CMC1: variants seen among roughly 807,000 people sequenced by gnomAD.
CMC1 encodes the protein COX assembly mitochondrial protein homolog.
CMC1 carries 14 observed loss-of-function variants against 14.1 expected under a neutral mutation model. The observed-to-expected ratio is 0.99, with a 90% confidence interval of 0.66 to 1.55. CMC1 has a LOEUF of 1.55. Among genes scored for constraint, CMC1 ranks in the 40% most tolerant of loss-of-function variants. The probability of loss-of-function intolerance (pLI) is 0.00; values close to 1 mark genes in which losing one functional copy is unlikely to be tolerated. For synonymous variants in CMC1, 50 were observed against 38.4 expected, an observed-to-expected ratio of 1.30 and a Z score of -1.12; for missense variants, 127 against 123.8, an observed-to-expected ratio of 1.03 and a Z score of -0.12.
At position 28,319,685 on chromosome 3, in the gene CMC1, T is replaced by A. The variant is rs1703123833; in HGVS notation, c.*56T>A. The A allele has an allele frequency of 6.9e-7, 1 of 1,449,026 alleles. No individual in the cohort carries two copies. Among genetic ancestry groups the A allele is most frequent in the Non-Finnish European group, 9.4e-7 (1 of 1,066,914 alleles). The allele number at this position is 1,449,026 out of a possible 1,614,324, so 89.8% of individuals were successfully genotyped here. Reference sequence around the variant, plus strand: ...AATATTCATGGAAGTCATTTTATAGTCCTTAAATAATGGACTCAAGCATAT... The same window carrying A: ...AATATTCATGGAAGTCATTTTATAGACCTTAAATAATGGACTCAAGCATAT... On this transcript the variant is annotated 3_prime_UTR_variant, in exon 4 of 4. Coordinates refer to ENST00000466830, the MANE Select transcript of CMC1 (RefSeq NM_182523.2).
At position 28,322,187 on chromosome 3, in the gene CMC1, T is replaced by G. The variant is rs992797251; in HGVS notation, c.*2558T>G. ...TTAAACTGTCACAGTCACTGACTTT[T>G]TAGTATACCTGTTTGATAGCTATCA... On this transcript the variant is annotated 3_prime_UTR_variant, in exon 4 of 4. Coordinates refer to ENST00000466830, the MANE Select transcript of CMC1 (RefSeq NM_182523.2). 6.6e-6 allele frequency: 1 copy of G among 151,172 alleles called. No individual in the cohort carries two copies. Among genetic ancestry groups the G allele is most frequent in the Non-Finnish European group, 1.5e-5 (1 of 67,404 alleles). The allele number at this position is 151,172 out of a possible 1,614,324, so 9.4% of individuals were successfully genotyped here. A position where few individuals can be genotyped will look rare whatever the true frequency, so the allele number is the denominator to read the frequency against.
intron 1 of CMC1, among the ~76,000 whole-genome samples, chr3:28,249,405 G>A (rs1220058692): frequency 2.0e-5 from 3 of 152,126 alleles, no homozygotes; most frequent in Non-Finnish European, 2.9e-5. Context: ...TTAAATATAC[G>A]TGTCATTTGT....
chr3:28,283,721 C>T (rs920897153), intron 2 of CMC1, among the ~76,000 whole-genome samples: 1 of 152,070 alleles, frequency 6.6e-6, no homozygotes, highest in Non-Finnish European at 1.5e-5. Context: ...TTTATGGTGA[C>T]GGAATACCCT....
At chr3:28,302,592 A>C (rs770110250) in intron 2 of CMC1, among the ~76,000 whole-genome samples, 5 of 152,312 alleles carry the variant, frequency 3.3e-5, no homozygotes, top group Admixed American at 2.6e-4. Flanking sequence ...GCACTTCATT[A>C]TATTTTGTTT....
chr3:28,285,374 A>C (rs1436534882), intron 2 of CMC1, among the ~76,000 whole-genome samples: 6 of 152,274 alleles, frequency 3.9e-5, no homozygotes, highest in South Asian at 2.1e-4. Flanking sequence ...GTATGAGATA[A>C]AGAGAGTTGA....
intron 2 of CMC1, among the ~76,000 whole-genome samples, chr3:28,265,616 AT>A (rs200304368): frequency 3.3e-4 from 50 of 149,788 alleles, no homozygotes; most frequent in African/African-American, 9.0e-4. Flanking sequence ...TTTCCGTTAG[AT>A]TTTTTTTTTA....
chr3:28,323,912 T>A lies in CMC1; in HGVS notation c.*4283T>A. 3 of 1,060,646 alleles carry A rather than the reference T, an allele frequency of 2.8e-6. No individual in the cohort carries two copies. The highest frequency in any genetic ancestry group is 4.1e-6 in the Non-Finnish European group (3 of 736,232). The allele number at this position is 1,060,646 out of a possible 1,614,324, so 65.7% of individuals were successfully genotyped here. ...GTTTTTGTACTATTGTACAGTGTGT[T>A]CAAATATAGATACTGAAGACCTCTG... is the stretch of plus-strand genomic sequence containing the variant. On this transcript the variant is annotated 3_prime_UTR_variant, in exon 4 of 4. Transcript: ENST00000466830.
intron 2 of CMC1, among the ~76,000 whole-genome samples, chr3:28,283,986 C>T (rs924505978): frequency 1.3e-5 from 2 of 151,972 alleles, no homozygotes; most frequent in African/African-American, 4.8e-5. Context: ...CCTGGTATAC[C>T]TCCCATAGAT....
chr3:28,243,118 C>G (rs1243954912), intron 1 of CMC1, among the ~76,000 whole-genome samples: 2 of 152,000 alleles, frequency 1.3e-5, no homozygotes, highest in Non-Finnish European at 2.9e-5. Flanking sequence ...TGCAGTGGCG[C>G]TATCTCGGCT....
chr3:28,283,854 G>A (rs1017632694), intron 2 of CMC1, among the ~76,000 whole-genome samples: 3 of 152,128 alleles, frequency 2.0e-5, no homozygotes, highest in African/African-American at 7.2e-5. Flanking sequence ...TAGGAGAAAA[G>A]TCAAAGCTAT....
intron 2 of CMC1, among the ~76,000 whole-genome samples, chr3:28,279,720 A>G (rs969672832): frequency 2.0e-5 from 3 of 152,118 alleles, no homozygotes; most frequent in Admixed American, 2.0e-4. Context: ...ACCTAAAGAT[A>G]GATCAAGGAA....
chr3:28,242,027 T>G, intron 1 of CMC1: 1 of 424,584 alleles, frequency 2.4e-6, no homozygotes, highest in Non-Finnish European at 4.0e-6. Flanking sequence ...GTTTGTTGTC[T>G]AAAGTATCAT....
chr3:28,278,554 TC>T lies in CMC1; in HGVS notation c.109+15176del, dbSNP rs76475452. 5.0e-4 allele frequency among the ~76,000 whole-genome samples: 76 copies of T among 152,302 alleles called. 1 individual carries two copies. The East Asian group carries it at 0.012, about 24-fold the overall frequency. On this transcript the variant is annotated intron_variant, in intron 2 of 3. Coordinates refer to ENST00000466830, the MANE Select transcript of CMC1 (RefSeq NM_182523.2). ...ATAGATTAAAAATTGACATTTGTATTCCTTTGCCTTCCTCTTAAGATTTCAG... is the reference window on the plus strand; with the variant it reads ...ATAGATTAAAAATTGACATTTGTATTCTTTGCCTTCCTCTTAAGATTTCAG...
chr3:28,244,626 G>A (rs1559394587), intron 1 of CMC1, among the ~76,000 whole-genome samples: 2 of 152,114 alleles, frequency 1.3e-5, no homozygotes, highest in Non-Finnish European at 2.9e-5. Context: ...CTACTCAGGA[G>A]GCTGAGGAAT....
chr3:28,245,379 C>G (rs1309490406), intron 1 of CMC1, among the ~76,000 whole-genome samples: 1 of 152,104 alleles, frequency 6.6e-6, no homozygotes, highest in African/African-American at 2.4e-5. Flanking sequence ...AGATGATGGC[C>G]CATAGGAACC....
intron 2 of CMC1, among the ~76,000 whole-genome samples, chr3:28,305,304 C>T (rs1466484373): frequency 2.0e-5 from 3 of 152,146 alleles, no homozygotes; most frequent in African/African-American, 7.2e-5. Context: ...ATATGTACCA[C>T]ATTTTCTTTC....
chr3:28,285,418 A>C (rs1447804158), intron 2 of CMC1, among the ~76,000 whole-genome samples: 4 of 152,130 alleles, frequency 2.6e-5, no homozygotes, highest in East Asian at 1.9e-4. Context: ...TAAAAAAAAA[A>C]CACATGACTT....
At chr3:28,250,639 T>C (rs1267887806) in intron 1 of CMC1, among the ~76,000 whole-genome samples, 1 of 152,136 alleles carries the variant, frequency 6.6e-6, no homozygotes, top group East Asian at 1.9e-4. Flanking sequence ...ACATAACCAC[T>C]AGGTTGGCAA....
At chr3:28,278,320 T>G (rs1197905647) in intron 2 of CMC1, among the ~76,000 whole-genome samples, 2 of 152,192 alleles carry the variant, frequency 1.3e-5, no homozygotes, top group Non-Finnish European at 2.9e-5. Flanking sequence ...ACTCAGAGTT[T>G]AGTTTTGGAT....
Sources: gnomAD v4.1 joint callset for allele counts (sites outside exome capture counted in the v4.1 genomes callset) on GRCh38, gnomAD v4.1.1 for gene constraint, MANE v1.5 for transcripts, NCBI Gene and HGNC (gene_info 2026-07-23, HGNC 2026-07-21) for gene names.